TTLL12: variants seen among roughly 807,000 people sequenced by gnomAD.
TTLL12 encodes tubulin--tyrosine ligase-like protein 12.
In TTLL12, 77 loss-of-function variants were observed where a neutral mutation model predicts 79.6. The observed-to-expected ratio is 0.97, with a 90% CI of 0.81 to 1.17. The LOEUF is 1.17. Ranked by LOEUF, TTLL12 falls within the 50% of genes most tolerant of loss-of-function variation. The pLI, the probability that TTLL12 is intolerant of heterozygous loss-of-function variation, is 0.00. For missense variants in TTLL12, 969 were observed against 895.9 expected (o/e 1.08, Z -1.04); for synonymous variants, 437 against 376.1 (o/e 1.16, Z -1.87).
chr22:43,171,051 G>A (rs546217037), intron 11 of TTLL12, among the ~76,000 whole-genome samples: 1 of 152,348 alleles, frequency 6.6e-6, no homozygotes, highest in African/African-American at 2.4e-5. Flanking sequence ...GGAGCGTTGG[G>A]GCTGGCTGCA....
At chr22:43,181,185 C>T (rs968073711) in intron 2 of TTLL12, among the ~76,000 whole-genome samples, 31 of 152,230 alleles carry the variant, frequency 2.0e-4, no homozygotes, top group African/African-American at 7.5e-4. Context: ...TCAAACAGGG[C>T]AGCAGGGGTC....
chr22:43,180,545 G>C (rs1322123127), intron 3 of TTLL12, among the ~76,000 whole-genome samples, 197 bp downstream of exon 3: 1 of 152,182 alleles, frequency 6.6e-6, no homozygotes, highest in African/African-American at 2.4e-5. Context: ...CAGTTTAGGA[G>C]TCTGAGAGGG....
intron 5 of TTLL12, among the ~76,000 whole-genome samples, chr22:43,177,737 G>A (rs777775665): frequency 2.6e-5 from 4 of 152,218 alleles, no homozygotes; most frequent in Non-Finnish European, 4.4e-5. Context: ...CCCGACGGGC[G>A]GCCTGTGTAC....
intron 6 of TTLL12, chr22:43,175,382 C>T (rs1387368814): frequency 6.6e-6 from 1 of 152,320 alleles, no homozygotes; most frequent in Non-Finnish European, 1.5e-5. Flanking sequence ...AGCCCGGGTG[C>T]CTGTTGTGGG....
intron 5 of TTLL12, 54 bp downstream of exon 5, chr22:43,179,565 A>G (rs1478763628): frequency 6.6e-7 from 1 of 1,506,768 alleles, no homozygotes; most frequent in African/African-American, 1.4e-5. Flanking sequence ...GTGCACAGAG[A>G]ACATTCTGGA....
chr22:43,168,266 T>G (rs546573656), intron 13 of TTLL12, 107 bp from the exon 14 acceptor site: 31 of 1,454,610 alleles, frequency 2.1e-5, no homozygotes, highest in Non-Finnish European at 2.9e-5. Flanking sequence ...ACCTGGGCCC[T>G]GATTCCCAGG....
chr22:43,168,418 T>A (rs1333101895), intron 13 of TTLL12, among the ~76,000 whole-genome samples: 2 of 121,300 alleles, frequency 1.6e-5, no homozygotes, highest in African/African-American at 6.6e-5. Flanking sequence ...AGCTTGGATG[T>A]TCAGTTTAGT....
chr22:43,179,798 G>T (rs374432044), intron 4 of TTLL12, 43 bp downstream of exon 4: 2 of 1,551,890 alleles, frequency 1.3e-6, no homozygotes, highest in African/African-American at 2.7e-5. Flanking sequence ...ACGGGACACT[G>T]GGCTGAGGCC....
chr22:43,168,215 G>A (rs1931668368), intron 13 of TTLL12, 56 bp from the exon 14 acceptor site: 1 of 1,584,088 alleles, frequency 6.3e-7, no homozygotes, highest in East Asian at 2.3e-5. Flanking sequence ...ACTCTGCAGG[G>A]ACAGTGGCCT....
intron 6 of TTLL12, chr22:43,175,821 A>T (rs1601771064): frequency 1.3e-5 from 2 of 148,908 alleles, no homozygotes; most frequent in Non-Finnish European, 3.0e-5. Context: ...TACAGGCGCC[A>T]GCCACCATGC....
intron 6 of TTLL12, among the ~76,000 whole-genome samples, chr22:43,175,867 T>C (rs1020059703): frequency 6.6e-6 from 1 of 150,670 alleles, no homozygotes; most frequent in African/African-American, 2.4e-5. Context: ...TTTGTATTTT[T>C]AGTAGAGACG....
intron 1 of TTLL12, among the ~76,000 whole-genome samples, chr22:43,183,687 C>T (rs1361820911): frequency 6.6e-6 from 1 of 152,262 alleles, no homozygotes; most frequent in Admixed American, 6.5e-5. Context: ...AGCGAGGCCC[C>T]AGGTCAAGGT....
chr22:43,177,700 A>G (rs78929039), intron 5 of TTLL12, among the ~76,000 whole-genome samples: 5,600 of 152,346 alleles, frequency 0.037, 226 homozygotes, highest in African/African-American at 0.1. Context: ...AGGCATGCAC[A>G]TATGCCATGC....
In TTLL12 at chr22:43,176,305, G is replaced by GGC; in HGVS notation, c.917+14_917+15insGC. The GGC allele has an allele frequency of 1.3e-6, 2 of 1,572,682 alleles. No homozygotes were observed. Among genetic ancestry groups the GGC allele is most frequent in the Non-Finnish European group, 1.7e-6 (2 of 1,155,148 alleles). On this transcript the variant is annotated intron_variant, in intron 6 of 13. Coordinates refer to ENST00000216129, the MANE Select transcript of TTLL12 (RefSeq NM_015140.4). ...GGACAAGTCCCAGCCCAAGCAGTGGGGGGGGGCTACGCACTTGAAGATGTG... is the reference window on the plus strand; with the variant it reads ...GGACAAGTCCCAGCCCAAGCAGTGGGGCGGGGGGCTACGCACTTGAAGATGTG...
At chr22:43,186,825 C>G in intron 1 of TTLL12, 68 bp downstream of exon 1, 1 of 1,228,066 alleles carries the variant, frequency 8.1e-7, no homozygotes, top group Non-Finnish European at 1.0e-6. Flanking sequence ...TCTTCCCTGT[C>G]CCGCGCCGCG....
intron 2 of TTLL12, among the ~76,000 whole-genome samples, chr22:43,181,918 G>A (rs934734609): frequency 3.3e-5 from 5 of 151,206 alleles, no homozygotes; most frequent in Non-Finnish European, 7.4e-5. Flanking sequence ...AGTGCAACAA[G>A]GGGTGTTGTA....
intron 6 of TTLL12, among the ~76,000 whole-genome samples, chr22:43,175,947 CAA>C (rs1445266497): frequency 6.6e-6 from 1 of 151,352 alleles, no homozygotes. Flanking sequence ...TTTGGCCTCC[CAA>C]AGTGCTGGGA....
Position 43,169,595 on chromosome 22 carries a change from C to T in TTLL12, c.1576-27G>A, listed in dbSNP as rs778674261. 5 of 1,611,256 alleles carry T rather than the reference C, an allele frequency of 3.1e-6. No individual in the cohort carries two copies. In the Admixed American group the frequency reaches 5.0e-5, roughly 16 times the overall value. ...TGCAACAGACACAGGGCCCATCACGCTCTGTACAGGCCTCCGCTGGGCCGG... is the reference window on the plus strand; with the variant it reads ...TGCAACAGACACAGGGCCCATCACGTTCTGTACAGGCCTCCGCTGGGCCGG... On this transcript the variant is annotated intron_variant, in intron 11 of 13. Coordinates refer to ENST00000216129, the MANE Select transcript of TTLL12 (RefSeq NM_015140.4).
At chr22:43,179,468 T>A in intron 5 of TTLL12, 151 bp downstream of exon 5, 1 of 1,112,702 alleles carries the variant, frequency 9.0e-7, no homozygotes, top group Non-Finnish European at 1.2e-6. Context: ...GAGCCCCTCG[T>A]CTCTCAGAGG....
Sources: gnomAD v4.1 joint callset for allele counts (sites outside exome capture counted in the v4.1 genomes callset) on GRCh38, gnomAD v4.1.1 for gene constraint, MANE v1.5 for transcripts, NCBI Gene and HGNC (gene_info 2026-07-23, HGNC 2026-07-21) for gene names.